RALYL: variants seen among roughly 807,000 people sequenced by gnomAD.
RALYL encodes the protein RALY RNA binding protein like.
RALYL carries 29 observed loss-of-function variants against 35.1 expected under a neutral mutation model. That is an observed-to-expected ratio of 0.83 (90% CI 0.61 to 1.13). The LOEUF is 1.13. Among genes scored for constraint, RALYL ranks in the 50% most tolerant of loss-of-function variants. RALYL has a pLI of 0.00. For synonymous variants in RALYL, 120 were observed against 127.6 expected, an observed-to-expected ratio of 0.94 and a Z score of 0.40; for missense variants, 359 against 360.4, an observed-to-expected ratio of 1.00 and a Z score of 0.03.
At chr8:84,506,271 A>G (rs2057156945) in intron 1 of RALYL, among the ~76,000 whole-genome samples, 1 of 152,098 alleles carries the variant, frequency 6.6e-6, no homozygotes, top group Non-Finnish European at 1.5e-5. Context: ...GGGTAAATGA[A>G]GATCAGGAAA....
intron 1 of RALYL, among the ~76,000 whole-genome samples, chr8:84,501,652 A>G (rs1337118836): frequency 2.0e-5 from 3 of 152,006 alleles, no homozygotes; most frequent in Middle Eastern, 3.4e-3. Flanking sequence ...TTTAGATTAT[A>G]TCGACCCATG....
At chr8:84,307,015 CAGAGT>C (rs112264997) in intron 1 of RALYL, among the ~76,000 whole-genome samples, 4,112 of 152,202 alleles carry the variant, frequency 0.027, 100 homozygotes, top group Non-Finnish European at 0.031. Flanking sequence ...TTCTACCACA[CAGAGT>C]ATGTGAACAA....
chr8:84,545,128 A>G (rs1005372357), intron 2 of RALYL, among the ~76,000 whole-genome samples: 1 of 152,030 alleles, frequency 6.6e-6, no homozygotes. Context: ...AAATTGATCA[A>G]TTTTTTACCA....
At chr8:84,813,913 C>T (rs541720303) in intron 4 of RALYL, among the ~76,000 whole-genome samples, 32 of 130,576 alleles carry the variant, frequency 2.5e-4, no homozygotes, top group African/African-American at 8.1e-4. Flanking sequence ...CCCCACCCCA[C>T]GACAGGCCCC....
In RALYL at chr8:84,559,789, T is replaced by C. The variant is rs569520034; in HGVS notation, c.256+30212T>C. Among the ~76,000 whole-genome samples, 50 of 152,046 alleles carry C rather than the reference T, an allele frequency of 3.3e-4. No homozygotes were observed. The South Asian group carries it at 0.01, about 31-fold the overall frequency. On this transcript the variant is annotated intron_variant, in intron 2 of 8. Transcript: ENST00000521268. The stretch of plus-strand genomic sequence containing the variant: ...GATATGACCAAGCTGTGGTTGAGCA[T>C]TTCATATAGATAAAATCAGGTCAGA...
intron 1 of RALYL, among the ~76,000 whole-genome samples, chr8:84,221,829 A>G (rs1035345001): frequency 1.3e-5 from 2 of 152,100 alleles, no homozygotes; most frequent in African/African-American, 4.8e-5. Flanking sequence ...GGAAATATCT[A>G]TTCTGTATTC....
Position 84,718,153 on chromosome 8 carries a change from A to T in RALYL, c.257-56426A>T, listed in dbSNP as rs927886156. 7.2e-5 allele frequency among the ~76,000 whole-genome samples: 11 copies of T among 152,290 alleles called. No homozygotes were observed. In the South Asian group the frequency reaches 1.7e-3, roughly 23 times the overall value. ...TGTCTAGAAAAGCAAAATACTAGGG[A>T]TCTTCAATCAGATTATTACCAAATT... On this transcript the variant is annotated intron_variant, in intron 2 of 8. Transcript: ENST00000521268.
intron 1 of RALYL, among the ~76,000 whole-genome samples, chr8:84,320,845 T>G (rs1006870830): frequency 1.1e-4 from 16 of 152,024 alleles, no homozygotes; most frequent in African/African-American, 3.6e-4. Flanking sequence ...ATTATCAGAT[T>G]TTTTTTTCTC....
intron 1 of RALYL, among the ~76,000 whole-genome samples, chr8:84,489,719 C>T (rs1345954967): frequency 6.6e-6 from 1 of 151,962 alleles, no homozygotes; most frequent in Non-Finnish European, 1.5e-5. Flanking sequence ...GTCAGGCTGA[C>T]TCTTGAAAGA....
At chr8:84,448,316 G>T (rs186937419) in intron 1 of RALYL, among the ~76,000 whole-genome samples, 22 of 152,134 alleles carry the variant, frequency 1.4e-4, no homozygotes, top group African/African-American at 4.8e-4. Context: ...ATAACGTTGT[G>T]CCTGTGGTGG....
chr8:84,649,321 T>C (rs1365636041), intron 2 of RALYL, among the ~76,000 whole-genome samples: 1 of 152,080 alleles, frequency 6.6e-6, no homozygotes, highest in Non-Finnish European at 1.5e-5. Flanking sequence ...TTTGTTGCCA[T>C]TGCTTTTGGT....
At chr8:84,273,763 T>G (rs1834802023) in intron 1 of RALYL, among the ~76,000 whole-genome samples, 1 of 152,194 alleles carries the variant, frequency 6.6e-6, no homozygotes, top group Non-Finnish European at 1.5e-5. Context: ...CAAGAGCCTT[T>G]TTATTAAAAA....
At chr8:84,377,458 T>TTTTTTTTTGTTTGTTTGTTTG (rs1554640549) in intron 1 of RALYL, among the ~76,000 whole-genome samples, 19 of 143,210 alleles carry the variant, frequency 1.3e-4, no homozygotes, top group African/African-American at 5.0e-4. Context: ...ACTGTTTTTT[T>TTTTTTTTTGTTTGTTTGTTTG]TTTTTTTTTT....
chr8:84,500,124 G>C (rs1305827614), intron 1 of RALYL, among the ~76,000 whole-genome samples: 1 of 152,120 alleles, frequency 6.6e-6, no homozygotes, highest in African/African-American at 2.4e-5. Flanking sequence ...TTATCACCAT[G>C]TATGTAATAC....
intron 4 of RALYL, among the ~76,000 whole-genome samples, chr8:84,831,101 A>C (rs879421697): frequency 6.6e-6 from 1 of 152,194 alleles, no homozygotes; most frequent in South Asian, 2.1e-4. Context: ...CATTGAGTTT[A>C]ATCTGTAAAT....
intron 2 of RALYL, among the ~76,000 whole-genome samples, chr8:84,736,223 C>A (rs1847289158): frequency 6.6e-6 from 1 of 152,046 alleles, no homozygotes; most frequent in South Asian, 2.1e-4. Context: ...TGCCGGAATT[C>A]CACATCAGCA....
chr8:84,658,295 AGT>A (rs1830309180), intron 2 of RALYL, among the ~76,000 whole-genome samples: 1 of 152,172 alleles, frequency 6.6e-6, no homozygotes, highest in African/African-American at 2.4e-5. Flanking sequence ...ACCCTCAAAA[AGT>A]GTGTTTCTGG....
intron 1 of RALYL, among the ~76,000 whole-genome samples, chr8:84,244,901 A>G (rs1828747926): frequency 6.6e-6 from 1 of 152,190 alleles, no homozygotes; most frequent in Non-Finnish European, 1.5e-5. Context: ...ACATGCTGGC[A>G]GAAGACACAA....
rs904169112 is a variant in RALYL at position 84,290,639 on chromosome 8, T to C, written c.-24+106215T>C. 5.3e-5 allele frequency among the ~76,000 whole-genome samples: 8 copies of C among 152,056 alleles called. No homozygotes were observed. In the East Asian group the frequency reaches 1.5e-3, roughly 29 times the overall value. ...TGTGGTGGAATGTCATCAGTTAAGG[T>C]GGGGCAGGGCATATTCACTTCTTTT... On this transcript the variant is annotated intron_variant, in intron 1 of 8. Transcript: ENST00000521268.
Sources: allele counts gnomAD v4.1 joint callset (sites outside exome capture counted in the v4.1 genomes callset), GRCh38; gene constraint gnomAD v4.1.1; transcripts MANE v1.5; gene names NCBI Gene and HGNC (gene_info 2026-07-23, HGNC 2026-07-21).